TMEM178A: variants seen among roughly 807,000 people sequenced by gnomAD.
The protein encoded by TMEM178A is transmembrane protein 178.
Under a neutral mutation model 29.1 loss-of-function variants are expected in TMEM178A, and 12 were observed. That is an observed-to-expected ratio of 0.41 (90% CI 0.26 to 0.67). The LOEUF (loss-of-function observed/expected upper bound fraction) is 0.67, where lower values mean the gene tolerates loss of function less well. Among genes scored for constraint, TMEM178A ranks in the 30% least tolerant of loss-of-function variants. TMEM178A has a pLI of 0.29. For synonymous variants in TMEM178A, 210 were observed against 187.2 expected (o/e 1.12, Z -0.99); for missense variants, 366 against 419.1 (o/e 0.87, Z 1.11).
At chr2:39,735,566 G>A in the TMEM178A span, among the ~76,000 whole-genome samples, 2 of 152,128 alleles carry the variant, frequency 1.3e-5, no homozygotes, top group Admixed American at 1.3e-4. Flanking sequence ...AACCCAAGTA[G>A]GCCAGATACC....
chr2:39,721,265 A>G (rs1481950762), downstream of TMEM178A, among the ~76,000 whole-genome samples: 1 of 152,222 alleles, frequency 6.6e-6, no homozygotes, highest in Non-Finnish European at 1.5e-5. Context: ...TGCAATACAT[A>G]TTCCTCTTAA....
chr2:39,676,138 T>A (rs1670613428), intron 1 of TMEM178A, among the ~76,000 whole-genome samples: 1 of 152,208 alleles, frequency 6.6e-6, no homozygotes, highest in Admixed American at 6.5e-5. Flanking sequence ...GTGGGTGTAA[T>A]TTTAAAATAT....
chr2:39,707,196 A>G lies in TMEM178A; in HGVS notation c.652+10A>G, dbSNP rs749699813. On this transcript the variant is annotated intron_variant, in intron 3 of 3. Transcript: ENST00000281961. The stretch of plus-strand genomic sequence containing the variant: ...CTGTTCCTCATGACAGGTAGGCTGC[A>G]TGCCTCAGGCCGTCTGTCCCAGCCA... 1.2e-5 allele frequency: 19 copies of G among 1,606,792 alleles called. No homozygotes were observed. The highest frequency in any genetic ancestry group is 1.5e-5 in the Non-Finnish European group (18 of 1,177,198).
intron 3 of TMEM178A, among the ~76,000 whole-genome samples, chr2:39,710,315 T>C (rs1672249007): frequency 6.6e-6 from 1 of 152,220 alleles, no homozygotes; most frequent in African/African-American, 2.4e-5. Context: ...TTTGTTTTGG[T>C]TGCCCAAACA....
At chr2:39,690,362 G>T (rs1341446177) in intron 1 of TMEM178A, among the ~76,000 whole-genome samples, 1 of 152,208 alleles carries the variant, frequency 6.6e-6, no homozygotes, top group Non-Finnish European at 1.5e-5. Context: ...CAGACAGCAC[G>T]TGAATATCAG....
the TMEM178A span, among the ~76,000 whole-genome samples, chr2:39,733,416 C>A: frequency 6.6e-6 from 1 of 152,130 alleles, no homozygotes; most frequent in Non-Finnish European, 1.5e-5. Flanking sequence ...GTTGAACGAA[C>A]AAGGTGCGGA....
At position 39,704,092 on chromosome 2, in the gene TMEM178A, C is replaced by T. The variant is rs920810975; in HGVS notation, c.412C>T (p.Arg138Ter). Reference protein sequence around the residue: ...DTLILKGIAQRCTAIKYHFSQ... With the variant: ...DTLILKGIAQ Reference sequence around the variant, plus strand: ...TTATTTCCTTCAAGGTATTGCGCAGCGATGCACGGCCATCAAGTACCACTT... The same window carrying T: ...TTATTTCCTTCAAGGTATTGCGCAGTGATGCACGGCCATCAAGTACCACTT... The change falls in exon 2 of 4, where the codon CGA (arginine) becomes TGA (stop). Residue 138 changes from arginine (R) to a stop codon, truncating the protein, a stop_gained. Coordinates refer to ENST00000281961, the MANE Select transcript of TMEM178A (RefSeq NM_152390.3). LOFTEE classifies it high-confidence loss of function. 6 of 1,614,018 alleles carry T rather than the reference C, an allele frequency of 3.7e-6. No individual in the cohort carries two copies. Among genetic ancestry groups the T allele is most frequent in the Admixed American group, 1.7e-5 (1 of 60,008 alleles).
the TMEM178A span, among the ~76,000 whole-genome samples, chr2:39,734,646 C>G: frequency 1.3e-5 from 2 of 152,208 alleles, no homozygotes; most frequent in Non-Finnish European, 2.9e-5. Context: ...GTCTAGCAAG[C>G]AAGTCTAAAC....
At chr2:39,683,802 C>G (rs949319357) in intron 1 of TMEM178A, among the ~76,000 whole-genome samples, 1 of 152,174 alleles carries the variant, frequency 6.6e-6, no homozygotes, top group Non-Finnish European at 1.5e-5. Context: ...TGCTTTCTTC[C>G]CTTCTAATAT....
intron 3 of TMEM178A, among the ~76,000 whole-genome samples, chr2:39,715,713 C>A (rs1372376898): frequency 6.6e-6 from 1 of 152,152 alleles, no homozygotes; most frequent in Non-Finnish European, 1.5e-5. Context: ...TGTCTAAGTG[C>A]ACATTTGGAA....
chr2:39,720,214 T>G (rs995754976), downstream of TMEM178A, among the ~76,000 whole-genome samples: 2 of 152,188 alleles, frequency 1.3e-5, no homozygotes, highest in Non-Finnish European at 2.9e-5. Context: ...TACTAACTTT[T>G]TGCAAGGGCC....
intron 1 of TMEM178A, among the ~76,000 whole-genome samples, chr2:39,686,143 G>A (rs1159165265): frequency 6.6e-6 from 1 of 152,232 alleles, no homozygotes; most frequent in Non-Finnish European, 1.5e-5. Flanking sequence ...GCCCTGAGCA[G>A]GAAGTCACCA....
At position 39,666,299 on chromosome 2, in the gene TMEM178A, G is replaced by C. The variant is rs747840220; in HGVS notation, c.325G>C (p.Ala109Pro). The C allele has an allele frequency of 5.6e-6, 8 of 1,430,782 alleles. No homozygotes were observed. The highest frequency in any genetic ancestry group is 7.3e-6 in the Non-Finnish European group (8 of 1,091,338). The allele number at this position is 1,430,782 out of a possible 1,614,324, so 88.6% of individuals were successfully genotyped here. ...LDAECGRPLF[A>P]TYSGLWRKCY... is the part of the protein sequence containing the mutation. The stretch of plus-strand genomic sequence containing the variant: ...CGCCGAGTGCGGCCGGCCCCTCTTC[G>C]CCACCTACTCGGGCCTCTGGAGGAA... Residue 109 changes from alanine (A) to proline (P), a missense_variant, in exon 1 of 4, where the codon GCC becomes CCC. Physicochemically the swap from Ala to Pro is conservative, Grantham distance 27 (BLOSUM62 -1). Around this residue, in one of 2 missense-constraint regions of TMEM178A, gnomAD observed 247 missense variants for 246.8 expected, o/e 1.00. Coordinates refer to ENST00000281961, the MANE Select transcript of TMEM178A (RefSeq NM_152390.3).
chr2:39,710,427 T>C (rs972619153), intron 3 of TMEM178A, among the ~76,000 whole-genome samples: 3 of 152,114 alleles, frequency 2.0e-5, no homozygotes, highest in African/African-American at 4.8e-5. Flanking sequence ...AATCTTGCCA[T>C]GTATTTGCTT....
At chr2:39,727,705 A>G in the TMEM178A span, among the ~76,000 whole-genome samples, 3 of 151,730 alleles carry the variant, frequency 2.0e-5, no homozygotes, top group South Asian at 6.3e-4. Context: ...TCCTAATGCT[A>G]TCCCTCCCCC....
At chr2:39,667,478 T>G (rs922905176) in intron 1 of TMEM178A, among the ~76,000 whole-genome samples, 1 of 152,140 alleles carries the variant, frequency 6.6e-6, no homozygotes, top group Non-Finnish European at 1.5e-5. Flanking sequence ...TCTCTTCTCT[T>G]GGACTCATGA....
At chr2:39,686,715 T>A in intron 1 of TMEM178A, among the ~76,000 whole-genome samples, 1 of 148,028 alleles carries the variant, frequency 6.8e-6, no homozygotes, top group South Asian at 2.2e-4. Context: ...AATGACAGAG[T>A]GAGTGGGGGC....
intron 1 of TMEM178A, among the ~76,000 whole-genome samples, chr2:39,683,934 G>A (rs1450256581): frequency 1.3e-5 from 2 of 152,150 alleles, no homozygotes; most frequent in African/African-American, 2.4e-5. Flanking sequence ...ATTGATTTGG[G>A]CTGATAATCA....
At chr2:39,691,753 C>G (rs1176178607) in intron 1 of TMEM178A, among the ~76,000 whole-genome samples, 1 of 151,674 alleles carries the variant, frequency 6.6e-6, no homozygotes, top group East Asian at 1.9e-4. Flanking sequence ...ACCTAAAGGT[C>G]CATCTACAGA....
Sources: gnomAD v4.1 joint callset for allele counts (sites outside exome capture counted in the v4.1 genomes callset) on GRCh38, gnomAD v4.1.1 for gene constraint, gnomAD v4.1.1 regional missense constraint, MANE v1.5 for transcripts, NCBI Gene and HGNC (gene_info 2026-07-23, HGNC 2026-07-21) for gene names.